The following GRIN2A variants were observed in gnomAD, a reference collection of about 807,000 sequenced individuals.
GRIN2A encodes glutamate receptor ionotropic, NMDA 2A.
A neutral mutation model predicts 113.4 loss-of-function variants in GRIN2A; 22 were observed. That is an observed-to-expected ratio of 0.19 (90% CI 0.14 to 0.28). The LOEUF (loss-of-function observed/expected upper bound fraction) is 0.28, where lower values mean the gene tolerates loss of function less well. Ranked by LOEUF, GRIN2A falls within the 10% of genes least tolerant of loss-of-function variation. The pLI, the probability that GRIN2A is intolerant of heterozygous loss-of-function variation, is 1.00. For synonymous variants in GRIN2A, 827 were observed against 738.4 expected, an observed-to-expected ratio of 1.12 and a Z score of -1.94; for missense variants, 1,502 against 1,887.0, an observed-to-expected ratio of 0.80 and a Z score of 3.78.
At chr16:9,980,132 G>A (rs946975920) in intron 2 of GRIN2A, among the ~76,000 whole-genome samples, 1 of 151,806 alleles carries the variant, frequency 6.6e-6, no homozygotes, top group African/African-American at 2.4e-5. Flanking sequence ...AATTAGCTGG[G>A]CATGGTGGTG....
At chr16:9,969,830 T>C (rs535535005) in intron 2 of GRIN2A, among the ~76,000 whole-genome samples, 2 of 152,314 alleles carry the variant, frequency 1.3e-5, no homozygotes, top group African/African-American at 4.8e-5. Flanking sequence ...CAAATAATTA[T>C]CTAGCCCAAA....
chr16:10,141,238 C>A (rs1230907921), intron 2 of GRIN2A, among the ~76,000 whole-genome samples: 1 of 152,004 alleles, frequency 6.6e-6, no homozygotes, highest in Admixed American at 6.6e-5. Flanking sequence ...CTCCTGTAAT[C>A]CCAGCACTTT....
chr16:9,798,573 G>C, intron 10 of GRIN2A, 109 bp from the exon 11 acceptor site: 1 of 768,388 alleles, frequency 1.3e-6, no homozygotes, highest in Non-Finnish European at 2.2e-6. Context: ...TCATGCTGGT[G>C]ATGATGACTC....
intron 2 of GRIN2A, among the ~76,000 whole-genome samples, chr16:10,175,254 T>A (rs1450548750): frequency 6.6e-6 from 1 of 152,184 alleles, no homozygotes; most frequent in Non-Finnish European, 1.5e-5. Context: ...AAGCAACGCA[T>A]GACTATACAT....
chr16:10,140,152 C>G (rs1205561946), intron 2 of GRIN2A, among the ~76,000 whole-genome samples: 1 of 152,166 alleles, frequency 6.6e-6, no homozygotes, highest in African/African-American at 2.4e-5. Flanking sequence ...TGTAGTTCCA[C>G]TGGTTACCTT....
chr16:9,879,043 A>G (rs1308165784), intron 4 of GRIN2A, among the ~76,000 whole-genome samples: 1 of 152,184 alleles, frequency 6.6e-6, no homozygotes, highest in Non-Finnish European at 1.5e-5. Flanking sequence ...GGGAAGTCAG[A>G]TGATTATTTT....
In GRIN2A at chr16:10,110,085, T is replaced by A. The variant is rs940034263; in HGVS notation, c.414+69913A>T. 3.3e-5 allele frequency among the ~76,000 whole-genome samples: 5 copies of A among 150,790 alleles called. 1 individual carries two copies. The highest frequency in any genetic ancestry group is 6.9e-3 in the Middle Eastern group (2 of 290). ...CCCCACAACAGTCCCCAGAGTGTGA[T>A]GTTCCCCTTCCTGTGTCCATGTGTT... On this transcript the variant is annotated intron_variant, in intron 2 of 12. Transcript: ENST00000330684.
intron 2 of GRIN2A, among the ~76,000 whole-genome samples, chr16:10,121,875 A>G (rs528335319): frequency 1.4e-3 from 217 of 152,372 alleles, no homozygotes; most frequent in African/African-American, 4.8e-3. Context: ...GAAAGATTTC[A>G]AATAATGGAA....
At chr16:9,984,711 T>C (rs1049913345) in intron 2 of GRIN2A, among the ~76,000 whole-genome samples, 1 of 152,230 alleles carries the variant, frequency 6.6e-6, no homozygotes, top group Non-Finnish European at 1.5e-5. Context: ...TTGTCTTTAC[T>C]TTCTCACACG....
At chr16:9,887,324 CT>C (rs1406489875) in intron 4 of GRIN2A, among the ~76,000 whole-genome samples, 3 of 152,186 alleles carry the variant, frequency 2.0e-5, no homozygotes, top group Non-Finnish European at 4.4e-5. Context: ...CCCTGTGCCC[CT>C]GTCCTGTCAA....
intron 3 of GRIN2A, among the ~76,000 whole-genome samples, chr16:9,935,575 T>C (rs2044696407): frequency 7.4e-6 from 1 of 135,616 alleles, no homozygotes; most frequent in African/African-American, 2.8e-5. Flanking sequence ...CAGCCCCAGT[T>C]CAGAGATAAC....
In GRIN2A at chr16:9,764,088, C is replaced by G. The variant is rs1085307669; in HGVS notation, c.3456G>C (p.Gln1152His). The G allele has an allele frequency of 6.2e-7, 1 of 1,613,372 alleles. No homozygotes were observed. The highest frequency in any genetic ancestry group is 8.5e-7 in the Non-Finnish European group (1 of 1,179,522). Residue 1152 changes from glutamine (Q) to histidine (H), a missense_variant, in exon 13 of 13, where the codon CAG becomes CAC. By Grantham distance (24) the Gln-to-His change is conservative. Around this residue, in one of 7 missense-constraint regions of GRIN2A, gnomAD observed 832 missense variants for 789.7 expected, o/e 1.05. Coordinates refer to ENST00000330684, the MANE Select transcript of GRIN2A (RefSeq NM_001134407.3). The stretch of plus-strand genomic sequence containing the variant: ...CCTTGCGGAAGTTTTCACTGGGATC[C>G]TGGTAGGGGTCCGGGAAGTCCACGT... ...PENVDFPDPY[Q>H]DPSENFRKGD...
intron 4 of GRIN2A, among the ~76,000 whole-genome samples, chr16:9,860,445 CAAAAAA>C (rs35715098): frequency 1.7e-5 from 1 of 57,952 alleles, no homozygotes; most frequent in East Asian, 6.2e-4. Context: ...AAGAGTCTCT[CAAAAAA>C]AAAAAAAAAA....
Position 9,763,245 on chromosome 16 carries a change from T to C in GRIN2A, c.4299A>G (p.Ala1433=), listed in dbSNP as rs1196744113. Residue 1433 remains alanine (A), a synonymous_variant, in exon 13 of 13, where the codon GCA becomes GCG. Coordinates refer to ENST00000330684, the MANE Select transcript of GRIN2A (RefSeq NM_001134407.3). ...YISEHVMPYA[A]NKNNMYSTPR... ...GGGTAGAGTACATATTATTCTTATT[T>C]GCAGCATAAGGCATAACATGCTCCG... The C allele has an allele frequency of 2.5e-6, 4 of 1,614,120 alleles. No homozygotes were observed. In the South Asian group the frequency reaches 4.4e-5, roughly 18 times the overall value.
chr16:10,013,342 C>A (rs1474050074), intron 2 of GRIN2A, among the ~76,000 whole-genome samples: 1 of 152,190 alleles, frequency 6.6e-6, no homozygotes, highest in African/African-American at 2.4e-5. Context: ...GAATGGCCAT[C>A]CAGCCTTAAG....
intron 4 of GRIN2A, among the ~76,000 whole-genome samples, chr16:9,854,615 G>A (rs75006214): frequency 0.021 from 3,227 of 152,222 alleles, 42 homozygotes; most frequent in East Asian, 0.056. Flanking sequence ...CACCTTGGAC[G>A]TGATGGTGAC....
intron 3 of GRIN2A, among the ~76,000 whole-genome samples, chr16:9,924,110 C>CAAAAAAAAAA (rs921695456): frequency 5.5e-4 from 10 of 18,202 alleles, no homozygotes; most frequent in African/African-American, 1.3e-3. Flanking sequence ...GACTTGGTCT[C>CAAAAAAAAAA]AAAAAAAAAA....
chr16:10,053,049 A>G (rs2047386242), intron 2 of GRIN2A, among the ~76,000 whole-genome samples: 1 of 147,354 alleles, frequency 6.8e-6, no homozygotes, highest in Non-Finnish European at 1.5e-5. Context: ...CTCCATCTCA[A>G]AAAAAAAAAA....
At chr16:9,911,232 AT>A (rs1434592151) in intron 3 of GRIN2A, among the ~76,000 whole-genome samples, 2 of 152,132 alleles carry the variant, frequency 1.3e-5, no homozygotes, top group African/African-American at 4.8e-5. Flanking sequence ...CACACTTGTA[AT>A]CACAGCATTC....
Sources: allele counts gnomAD v4.1 joint callset (sites outside exome capture counted in the v4.1 genomes callset), GRCh38; gene constraint gnomAD v4.1.1; regional missense constraint gnomAD v4.1.1; transcripts MANE v1.5; gene names NCBI Gene and HGNC (gene_info 2026-07-23, HGNC 2026-07-21).